Variants in POLE2 observed in about 807,000 individuals in gnomAD.
POLE2 encodes DNA polymerase epsilon subunit 2.
POLE2 carries 56 observed loss-of-function variants against 79.4 expected under a neutral mutation model. The observed-to-expected ratio is 0.71, with a 90% CI of 0.57 to 0.88. The LOEUF (loss-of-function observed/expected upper bound fraction) is 0.88, where lower values mean the gene tolerates loss of function less well. Among genes scored for constraint, POLE2 ranks in the 40% least tolerant of loss-of-function variants. The probability of loss-of-function intolerance (pLI) is 0.00; values close to 1 mark genes in which losing one functional copy is unlikely to be tolerated. For synonymous variants in POLE2, 212 were observed against 214.0 expected (o/e 0.99, Z 0.08); for missense variants, 598 against 638.9 (o/e 0.94, Z 0.69).
intron 18 of POLE2, among the ~76,000 whole-genome samples, chr14:49,643,978 C>T (rs530695223): frequency 3.4e-5 from 5 of 145,418 alleles, no homozygotes; most frequent in East Asian, 2.1e-4. Flanking sequence ...CTCCTGGGTT[C>T]GAGTGATTCT....
In POLE2 at chr14:49,665,162, C is replaced by T. The variant is rs1271541532; in HGVS notation, c.578G>A (p.Gly193Glu). Residue 193 changes from glycine (G) to glutamate (E), a missense_variant and splice_region_variant, in exon 8 of 19, where the codon GGA (glycine) becomes GAA (glutamate). Transcript: ENST00000216367. ...AGTAGGATCTTCCAGAAAAAATTTT[C>T]CCTAAAAAAATGAAAATAAATAAAT... is the stretch of plus-strand genomic sequence containing the variant. ...VLGMITQLKE[G>E]KFFLEDPTGT... 9 of 1,324,536 alleles carry T rather than the reference C, an allele frequency of 6.8e-6. No individual in the cohort carries two copies. Among genetic ancestry groups the T allele is most frequent in the African/African-American group, 3.0e-5 (2 of 66,888 alleles). The allele number at this position is 1,324,536 out of a possible 1,614,324, so 82.0% of individuals were successfully genotyped here. A position where few individuals can be genotyped will look rare whatever the true frequency, so the allele number is the denominator to read the frequency against.
intron 3 of POLE2, chr14:49,677,378 C>G: frequency 2.0e-6 from 1 of 496,964 alleles, no homozygotes; most frequent in Non-Finnish European, 3.7e-6. Flanking sequence ...TGGGTATCTA[C>G]AGCGGCTTGA....
At position 49,646,322 on chromosome 14, in the gene POLE2, T is replaced by G. The variant is rs924672786; in HGVS notation, c.1565+971A>C. The stretch of plus-strand genomic sequence containing the variant: ...TGTTGGTTTTTTTTTTTTTTTTTTT[T>G]TTTTTTTTTTTTTGAGATAGAGTCT... On this transcript the variant is annotated intron_variant, in intron 18 of 18. Transcript: ENST00000216367. Among the ~76,000 whole-genome samples the G allele has an allele frequency of 8.5e-4, 81 of 95,360 alleles. 2 individuals carry two copies. The highest frequency in any genetic ancestry group is 1.6e-3 in the Non-Finnish European group (66 of 40,848). 62.6% of individuals were successfully genotyped at this position (95,360 alleles called of 152,430 possible). A position where few individuals can be genotyped will look rare whatever the true frequency, so the allele number is the denominator to read the frequency against.
chr14:49,683,468 G>A (rs1886883554), intron 2 of POLE2, 125 bp downstream of exon 2: 1 of 544,460 alleles, frequency 1.8e-6, no homozygotes, highest in South Asian at 3.0e-5. Flanking sequence ...ATGCTACCAT[G>A]CATACATCTT....
rs1299510109 is a variant in POLE2 at position 49,654,717 on chromosome 14, A to G, written c.1073+67T>C. 2.7e-6 allele frequency: 4 copies of G among 1,467,964 alleles called. No individual in the cohort carries two copies. The East Asian group carries it at 1.1e-4, about 39-fold the overall frequency. 90.9% of individuals were successfully genotyped at this position (1,467,964 alleles called of 1,614,324 possible). Reference sequence around the variant, plus strand: ...GTTTTGTAATAATTGCTGATATAACAAAATTCATTTTTTGTTTTTTTTTTA... The same window carrying G: ...GTTTTGTAATAATTGCTGATATAACGAAATTCATTTTTTGTTTTTTTTTTA... On this transcript the variant is annotated intron_variant, in intron 13 of 18. Coordinates refer to ENST00000216367, the MANE Select transcript of POLE2 (RefSeq NM_002692.4).
intron 15 of POLE2, 168 bp downstream of exon 15, chr14:49,653,822 A>C: frequency 1.9e-6 from 1 of 522,704 alleles, no homozygotes; most frequent in South Asian, 2.4e-5. Context: ...TAATTTTTGT[A>C]CTTTTTGTAG....
Position 49,643,592 on chromosome 14 carries a change from CAT to C in POLE2, c.*58_*59del. The stretch of plus-strand genomic sequence containing the variant: ...TAATTTTATTGTAATATCAGAATCA[CAT>C]AAGATATAGAGTTAAGCAGAAAACT... On this transcript the variant is annotated 3_prime_UTR_variant, in exon 19 of 19. Coordinates refer to ENST00000216367, the MANE Select transcript of POLE2 (RefSeq NM_002692.4). 1.2e-6 allele frequency: 1 copy of C among 862,646 alleles called. No homozygotes were observed. Among genetic ancestry groups the C allele is most frequent in the Non-Finnish European group, 1.9e-6 (1 of 533,588 alleles). 53.4% of individuals were successfully genotyped at this position (862,646 alleles called of 1,614,324 possible). A position where few individuals can be genotyped will look rare whatever the true frequency, so the allele number is the denominator to read the frequency against.
intron 1 of POLE2, among the ~76,000 whole-genome samples, chr14:49,684,078 C>T (rs1472955747): frequency 1.3e-5 from 2 of 152,136 alleles, no homozygotes. Flanking sequence ...GCACCATATC[C>T]TGAACATAAG....
At chr14:49,645,923 G>A (rs535598624) in intron 18 of POLE2, among the ~76,000 whole-genome samples, 5 of 152,282 alleles carry the variant, frequency 3.3e-5, no homozygotes, top group Non-Finnish European at 5.9e-5. Context: ...GAGCCACCAC[G>A]AATGGCTGCA....
At chr14:49,661,859 T>C (rs1323866712) in intron 10 of POLE2, among the ~76,000 whole-genome samples, 1 of 152,192 alleles carries the variant, frequency 6.6e-6, no homozygotes, top group Non-Finnish European at 1.5e-5. Context: ...ACTAAGCATA[T>C]ACTAAGCAGT....
At position 49,647,286 on chromosome 14, in the gene POLE2, C is replaced by G. The variant is rs770164945; in HGVS notation, c.1565+7G>C. 1.4e-6 allele frequency: 2 copies of G among 1,423,784 alleles called. No homozygotes were observed. The highest frequency in any genetic ancestry group is 2.5e-5 in the South Asian group (2 of 80,032). The allele number at this position is 1,423,784 out of a possible 1,614,324, so 88.2% of individuals were successfully genotyped here. ...ATCTTTCTTGCTGTGTCTGTGCACA[C>G]ACTTACCTATCTTCTACTGTCTTAT... On this transcript the variant is annotated splice_region_variant and intron_variant, in intron 18 of 18. Coordinates refer to ENST00000216367, the MANE Select transcript of POLE2 (RefSeq NM_002692.4).
chr14:49,667,080 C>T (rs1407925370), intron 6 of POLE2, among the ~76,000 whole-genome samples: 3 of 151,374 alleles, frequency 2.0e-5, no homozygotes, highest in African/African-American at 7.3e-5. Flanking sequence ...CCCAGCTACT[C>T]GGGAGGCTGA....
At chr14:49,674,095 C>T in intron 5 of POLE2, 28 bp downstream of exon 5, 2 of 1,221,608 alleles carry the variant, frequency 1.6e-6, no homozygotes. Flanking sequence ...TACCCAGTAT[C>T]CTCCCCTCCG....
At chr14:49,653,152 A>T (rs1220305000) in intron 15 of POLE2, among the ~76,000 whole-genome samples, 2 of 152,192 alleles carry the variant, frequency 1.3e-5, no homozygotes, top group African/African-American at 4.8e-5. Context: ...TTAGGTTGGG[A>T]TGGTGATAAG....
intron 10 of POLE2, among the ~76,000 whole-genome samples, chr14:49,661,290 A>G (rs1013579964): frequency 2.0e-5 from 3 of 152,238 alleles, no homozygotes; most frequent in African/African-American, 7.2e-5. Context: ...GAAAGCCCAC[A>G]GGGCACAGTG....
chr14:49,674,253 T>A (rs1351056475), intron 4 of POLE2, 37 bp from the exon 5 acceptor site: 1 of 1,504,884 alleles, frequency 6.6e-7, no homozygotes, highest in Admixed American at 1.7e-5. Flanking sequence ...ACTATCATAA[T>A]ACACAAAGGT....
intron 5 of POLE2, among the ~76,000 whole-genome samples, chr14:49,670,221 C>G (rs1368736091): frequency 5.5e-5 from 8 of 144,314 alleles, no homozygotes; most frequent in Non-Finnish European, 1.2e-4. Context: ...GAGGCTGAGG[C>G]AGGAGAATTG....
intron 18 of POLE2, chr14:49,647,016 G>A (rs1460866322): frequency 1.1e-5 from 3 of 266,918 alleles, no homozygotes; most frequent in African/African-American, 2.2e-5. Context: ...TGAGACCATC[G>A]TCAGGAGTTG....
intron 18 of POLE2, among the ~76,000 whole-genome samples, chr14:49,646,301 G>GTTTTTTTTTTTTTTTTTTT (rs1566522550): frequency 3.3e-5 from 3 of 90,758 alleles, no homozygotes; most frequent in African/African-American, 1.4e-4. Flanking sequence ...TTTTTTTGTT[G>GTTTTTTTTTTTTTTTTTTT]GTTTTTTTTT....
Sources: allele counts gnomAD v4.1 joint callset (sites outside exome capture counted in the v4.1 genomes callset), GRCh38; gene constraint gnomAD v4.1.1; transcripts MANE v1.5; gene names NCBI Gene and HGNC (gene_info 2026-07-23, HGNC 2026-07-21).